Variants in LRRC3B observed in about 807,000 individuals in gnomAD.
The protein encoded by LRRC3B is leucine rich repeat containing 3B, also known as leucine-rich repeat-containing protein 3B.
LRRC3B carries 2 observed loss-of-function variants against 12.8 expected under a neutral mutation model. The ratio of observed to expected loss-of-function variants is 0.16; its 90% CI spans 0.06 to 0.49. LRRC3B has a LOEUF of 0.49. Ranked by LOEUF, LRRC3B falls within the 20% of genes least tolerant of loss-of-function variation. LRRC3B has a pLI of 0.96. For synonymous variants in LRRC3B, 132 were observed against 122.0 expected, an observed-to-expected ratio of 1.08 and a Z score of -0.54; for missense variants, 189 against 319.4, an observed-to-expected ratio of 0.59 and a Z score of 3.11.
chr3:26,648,214 A>G lies in LRRC3B; in HGVS notation c.-161+24977A>G, dbSNP rs73148502. On this transcript the variant is annotated intron_variant, in intron 1 of 1. Coordinates refer to ENST00000396641, the Ensembl canonical transcript of LRRC3B. ...CTTGATTTAAATTGTGGAGGGAAAG[A>G]AAGGGGATTTCAGAACTCTCAATCC... 6.9e-3 allele frequency among the ~76,000 whole-genome samples: 1,048 copies of G among 152,228 alleles called. 15 individuals carry two copies. The highest frequency in any genetic ancestry group is 0.024 in the African/African-American group (1,013 of 41,526).
intron 1 of LRRC3B, among the ~76,000 whole-genome samples, chr3:26,708,683 C>G (rs369493814): frequency 3.8e-4 from 58 of 152,226 alleles, no homozygotes; most frequent in African/African-American, 1.4e-3. Flanking sequence ...TTTCTGTAGC[C>G]CCTGCCAACA....
At chr3:26,657,898 T>G (rs1699409599) in intron 1 of LRRC3B, among the ~76,000 whole-genome samples, 1 of 152,172 alleles carries the variant, frequency 6.6e-6, no homozygotes, top group Admixed American at 6.5e-5. Flanking sequence ...CGCATCTGCC[T>G]TTTCAAACTT....
At chr3:26,673,375 T>C (rs369867649) in intron 1 of LRRC3B, among the ~76,000 whole-genome samples, 10 of 152,236 alleles carry the variant, frequency 6.6e-5, no homozygotes, top group African/African-American at 2.4e-4. Context: ...AAGAGGGTAT[T>C]GGGAGATAGG....
At chr3:26,635,455 G>A (rs369001901) in intron 1 of LRRC3B, among the ~76,000 whole-genome samples, 1 of 152,198 alleles carries the variant, frequency 6.6e-6, no homozygotes, top group African/African-American at 2.4e-5. Context: ...CATGAGATTA[G>A]TGTTCTTACA....
chr3:26,696,885 C>G (rs1024936718), intron 1 of LRRC3B, among the ~76,000 whole-genome samples: 3 of 152,136 alleles, frequency 2.0e-5, no homozygotes, highest in Non-Finnish European at 4.4e-5. Context: ...TGTTTGGCAG[C>G]TCTTTCCTAG....
At chr3:26,647,702 G>A (rs1699182240) in intron 1 of LRRC3B, among the ~76,000 whole-genome samples, 1 of 152,134 alleles carries the variant, frequency 6.6e-6, no homozygotes, top group Non-Finnish European at 1.5e-5. Flanking sequence ...ATTGCCAGGA[G>A]TTTCAAATGA....
At chr3:26,680,998 A>G in intron 1 of LRRC3B, among the ~76,000 whole-genome samples, 1 of 152,236 alleles carries the variant, frequency 6.6e-6, no homozygotes, top group Non-Finnish European at 1.5e-5. Flanking sequence ...GTTCTCTCAA[A>G]TATTTATTTT....
chr3:26,638,799 G>T (rs372875691), intron 1 of LRRC3B, among the ~76,000 whole-genome samples: 4 of 152,092 alleles, frequency 2.6e-5, no homozygotes, highest in African/African-American at 4.8e-5. Context: ...ACTGTTTTGG[G>T]GTAGGTCTGG....
At chr3:26,660,926 C>T (rs1420729213) in intron 1 of LRRC3B, among the ~76,000 whole-genome samples, 4 of 152,090 alleles carry the variant, frequency 2.6e-5, no homozygotes, top group Admixed American at 1.3e-4. Context: ...TGCTATGTGG[C>T]ATATGGTAAA....
At position 26,691,105 on chromosome 3, in the gene LRRC3B, G is replaced by GTGTGTGTATATATATA. The variant is rs372629683; in HGVS notation, c.-160-18407_-160-18406insGTGTGTATATATATAT. On this transcript the variant is annotated intron_variant, in intron 1 of 1. Transcript: ENST00000396641. ...TGTGTGTGTATATGTGTGTGTGTGT[G>GTGTGTGTATATATATA]TATATATATATATATATATATATAT... Among the ~76,000 whole-genome samples, 13 of 84,830 alleles carry GTGTGTGTATATATATA rather than the reference G, an allele frequency of 1.5e-4. No homozygotes were observed. In the East Asian group the frequency reaches 2.3e-3, roughly 15 times the overall value. 55.7% of individuals were successfully genotyped at this position (84,830 alleles called of 152,430 possible). A position where few individuals can be genotyped will look rare whatever the true frequency, so the allele number is the denominator to read the frequency against.
intron 1 of LRRC3B, among the ~76,000 whole-genome samples, chr3:26,636,972 T>C (rs191834952): frequency 0.2 from 14,879 of 73,214 alleles, 1,409 homozygotes; most frequent in Middle Eastern, 0.29. Context: ...CTTTCTTTCT[T>C]TCTCTCTCTC....
intron 1 of LRRC3B, among the ~76,000 whole-genome samples, chr3:26,708,797 T>C (rs1338223632): frequency 6.6e-6 from 1 of 152,118 alleles, no homozygotes; most frequent in Non-Finnish European, 1.5e-5. Flanking sequence ...AAAAAAGTCA[T>C]GGAGGTGTGT....
intron 1 of LRRC3B, among the ~76,000 whole-genome samples, chr3:26,704,103 A>G (rs889255921): frequency 7.9e-5 from 12 of 152,186 alleles, no homozygotes; most frequent in Admixed American, 7.9e-4. Flanking sequence ...AGTTTCTGAT[A>G]TACCCTTTTG....
chr3:26,673,396 G>T (rs1411470125), intron 1 of LRRC3B, among the ~76,000 whole-genome samples: 1 of 151,992 alleles, frequency 6.6e-6, no homozygotes, highest in Non-Finnish European at 1.5e-5. Flanking sequence ...TAGATGGGGA[G>T]AAAAAAATAG....
In LRRC3B at chr3:26,676,632, T is replaced by C. The variant is rs963757087; in HGVS notation, c.-160-32881T>C. Reference sequence around the variant, plus strand: ...GTGGAGAAATAGGAACACTTTTACATGGTTGGTGGGACTGTAAACTAGTTC... The same window carrying C: ...GTGGAGAAATAGGAACACTTTTACACGGTTGGTGGGACTGTAAACTAGTTC... On this transcript the variant is annotated intron_variant, in intron 1 of 1. Transcript: ENST00000396641. Among the ~76,000 whole-genome samples, 13 of 152,284 alleles carry C rather than the reference T, an allele frequency of 8.5e-5. No individual in the cohort carries two copies. The East Asian group carries it at 2.5e-3, about 29-fold the overall frequency.
At chr3:26,677,310 GTGTACTTCCCATAAAC>G (rs1019005406) in intron 1 of LRRC3B, among the ~76,000 whole-genome samples, 5 of 152,290 alleles carry the variant, frequency 3.3e-5, no homozygotes, top group South Asian at 2.1e-4. Flanking sequence ...CAGTATTCTG[GTGTACTTCCCATAAAC>G]TGTACTTCCC....
chr3:26,692,812 G>A (rs551750705), intron 1 of LRRC3B, among the ~76,000 whole-genome samples: 7 of 152,290 alleles, frequency 4.6e-5, no homozygotes, highest in East Asian at 3.9e-4. Context: ...TCACAAATCC[G>A]TGAGTAGCTT....
At chr3:26,652,456 G>A (rs1177432011) in intron 1 of LRRC3B, among the ~76,000 whole-genome samples, 5 of 152,184 alleles carry the variant, frequency 3.3e-5, no homozygotes, top group Admixed American at 2.6e-4. Flanking sequence ...TCTCATAGAA[G>A]AGCTGGGTAA....
At chr3:26,623,376 T>G (rs1330018264) in intron 1 of LRRC3B, 139 bp downstream of exon 1, 1 of 152,428 alleles carries the variant, frequency 6.6e-6, no homozygotes, top group African/African-American at 2.4e-5. Context: ...GCCTCCCTGA[T>G]CCCTTTTGCG....
Sources: allele counts gnomAD v4.1 joint callset (sites outside exome capture counted in the v4.1 genomes callset), GRCh38; gene constraint gnomAD v4.1.1; transcripts MANE v1.5; gene names NCBI Gene and HGNC (gene_info 2026-07-23, HGNC 2026-07-21).